CAPZB: variants seen among roughly 807,000 people sequenced by gnomAD.
CAPZB encodes the protein capping actin protein of muscle Z-line subunit beta, also known as F-actin-capping protein subunit beta.
A neutral mutation model predicts 38.1 loss-of-function variants in CAPZB; 2 were observed. The observed-to-expected ratio is 0.05, with a 90% CI of 0.02 to 0.17. The LOEUF (loss-of-function observed/expected upper bound fraction) is 0.17, where lower values mean the gene tolerates loss of function less well. Ranked by LOEUF, CAPZB falls within the 10% of genes least tolerant of loss-of-function variation. The pLI is 1.00. For missense variants in CAPZB, 161 were observed against 334.2 expected, an observed-to-expected ratio of 0.48 and a Z score of 4.04; for synonymous variants, 107 against 127.4, an observed-to-expected ratio of 0.84 and a Z score of 1.08.
In CAPZB at chr1:19,359,463, G is replaced by A. The variant is rs1045055272; in HGVS notation, c.330-1900C>T. Among the ~76,000 whole-genome samples, 8 of 152,232 alleles carry A rather than the reference G, an allele frequency of 5.3e-5. No individual in the cohort carries two copies. In the South Asian group the frequency reaches 1.5e-3, roughly 28 times the overall value. ...GGGCTACCCTTGGCCCCCTGCCCAG[G>A]GCTCCCTCAGGCAGGCTGCGGCCAG... On this transcript the variant is annotated intron_variant, in intron 4 of 8. Coordinates refer to ENST00000264202, the MANE Select transcript of CAPZB (RefSeq NM_004930.5).
chr1:19,433,712 G>T (rs1352119988), intron 1 of CAPZB, among the ~76,000 whole-genome samples: 1 of 152,226 alleles, frequency 6.6e-6, no homozygotes, highest in Non-Finnish European at 1.5e-5. Flanking sequence ...AAGGAAGCTT[G>T]AGGAAAAGAA....
At position 19,338,872 on chromosome 1, in the gene CAPZB, C is replaced by CAAAAAAACAA. The variant is rs2152023200; in HGVS notation, c.*648_*657dup. ...ATGTAGATTTTTTTCTTAAGCTTTA[C>CAAAAAAACAA]AAAAAAACAAAATAAAACAAAAACC... On this transcript the variant is annotated 3_prime_UTR_variant, in exon 9 of 9. Coordinates refer to ENST00000264202, the MANE Select transcript of CAPZB (RefSeq NM_004930.5). 1 of 152,392 alleles carries CAAAAAAACAA rather than the reference C, an allele frequency of 6.6e-6. No homozygotes were observed. The highest frequency in any genetic ancestry group is 2.4e-5 in the African/African-American group (1 of 41,496). The allele number at this position is 152,392 out of a possible 1,614,324, so 9.4% of individuals were successfully genotyped here.
chr1:19,470,186 T>C (rs1024426280), intron 1 of CAPZB, among the ~76,000 whole-genome samples: 2 of 152,134 alleles, frequency 1.3e-5, no homozygotes, highest in East Asian at 1.9e-4. Context: ...GCCACTGCAC[T>C]GTAGCCTGAG....
intron 1 of CAPZB, among the ~76,000 whole-genome samples, chr1:19,483,526 A>G (rs1176943590): frequency 6.6e-6 from 1 of 152,210 alleles, no homozygotes; most frequent in African/African-American, 2.4e-5. Flanking sequence ...CACCCTTTCC[A>G]GCCTTTTCAG....
intron 2 of CAPZB, among the ~76,000 whole-genome samples, chr1:19,406,412 G>C (rs555311501): frequency 6.6e-6 from 1 of 152,156 alleles, no homozygotes; most frequent in Admixed American, 6.5e-5. Context: ...CAGGAGGCCA[G>C]AACAGAACGC....
chr1:19,427,655 T>C (rs1369312223), intron 1 of CAPZB, among the ~76,000 whole-genome samples: 1 of 152,190 alleles, frequency 6.6e-6, no homozygotes, highest in Non-Finnish European at 1.5e-5. Context: ...AGAAAAGTGC[T>C]TCCTCCACTG....
chr1:19,355,533 C>G (rs547536844), intron 6 of CAPZB, among the ~76,000 whole-genome samples: 9 of 151,844 alleles, frequency 5.9e-5, no homozygotes, highest in Non-Finnish European at 1.3e-4. Flanking sequence ...TCGATCCTTT[C>G]GGTCATATTT....
chr1:19,427,468 T>G (rs2094427099), intron 1 of CAPZB, among the ~76,000 whole-genome samples: 1 of 152,222 alleles, frequency 6.6e-6, no homozygotes, highest in African/African-American at 2.4e-5. Context: ...CCATGGTTTG[T>G]CTTGTATAAT....
At chr1:19,428,209 C>T (rs1426787785) in intron 1 of CAPZB, among the ~76,000 whole-genome samples, 1 of 152,206 alleles carries the variant, frequency 6.6e-6, no homozygotes, top group Non-Finnish European at 1.5e-5. Context: ...TCAAGACCAG[C>T]ATGGCCAACA....
At chr1:19,342,685 C>T in intron 8 of CAPZB, 1 of 986,456 alleles carries the variant, frequency 1.0e-6, no homozygotes. Flanking sequence ...GCCGGACCGG[C>T]AGGGTCTCGG....
intron 1 of CAPZB, among the ~76,000 whole-genome samples, chr1:19,450,019 G>A (rs1156830367): frequency 2.7e-5 from 4 of 150,760 alleles, no homozygotes; most frequent in Non-Finnish European, 5.9e-5. Flanking sequence ...TTGCGCACCC[G>A]TAGTCCCACT....
In CAPZB at chr1:19,338,854, T is replaced by C. The variant is rs1226526618; in HGVS notation, c.*676A>G. On this transcript the variant is annotated 3_prime_UTR_variant, in exon 9 of 9. Coordinates refer to ENST00000264202, the MANE Select transcript of CAPZB (RefSeq NM_004930.5). Reference sequence around the variant, plus strand: ...TGGAGGCTCAAGTATAAGATGTAGATTTTTTTCTTAAGCTTTACAAAAAAA... The same window carrying C: ...TGGAGGCTCAAGTATAAGATGTAGACTTTTTTCTTAAGCTTTACAAAAAAA... The C allele has an allele frequency of 1.3e-5, 2 of 152,476 alleles. No homozygotes were observed. Among genetic ancestry groups the C allele is most frequent in the Non-Finnish European group, 2.9e-5 (2 of 68,044 alleles). The allele number at this position is 152,476 out of a possible 1,614,324, so 9.4% of individuals were successfully genotyped here.
chr1:19,352,376 T>C (rs528215950), intron 6 of CAPZB, among the ~76,000 whole-genome samples: 1 of 152,342 alleles, frequency 6.6e-6, no homozygotes, highest in African/African-American at 2.4e-5. Context: ...TCTAAATATT[T>C]AGAAGCTGAG....
chr1:19,483,401 T>C (rs1190445746), intron 1 of CAPZB, among the ~76,000 whole-genome samples: 1 of 152,146 alleles, frequency 6.6e-6, no homozygotes, highest in Non-Finnish European at 1.5e-5. Flanking sequence ...TCACTCCACC[T>C]CCTGAGCCTC....
At chr1:19,477,490 G>C (rs764655397) in intron 1 of CAPZB, among the ~76,000 whole-genome samples, 10 of 152,236 alleles carry the variant, frequency 6.6e-5, no homozygotes, top group African/African-American at 1.2e-4. Flanking sequence ...TTTCACACCA[G>C]AAGGATGTGG....
At chr1:19,424,356 T>A (rs2094414153) in intron 1 of CAPZB, 3 of 152,116 alleles carry the variant, frequency 2.0e-5, no homozygotes, top group South Asian at 2.1e-4. Flanking sequence ...AAACTTTTTT[T>A]AAAGGTAATA....
At chr1:19,484,405 G>A (rs1454764862) in intron 1 of CAPZB, 1 of 1,525,116 alleles carries the variant, frequency 6.6e-7, no homozygotes, top group Non-Finnish European at 8.8e-7. Context: ...TCCCACTCAG[G>A]CCCGGGCGCC....
At chr1:19,348,468 G>C (rs866560876) in intron 6 of CAPZB, among the ~76,000 whole-genome samples, 1 of 152,116 alleles carries the variant, frequency 6.6e-6, no homozygotes, top group Non-Finnish European at 1.5e-5. Context: ...AGAAATGGGA[G>C]AGAACTAGGG....
intron 1 of CAPZB, among the ~76,000 whole-genome samples, chr1:19,435,556 T>C (rs1004882886): frequency 6.6e-6 from 1 of 152,236 alleles, no homozygotes; most frequent in African/African-American, 2.4e-5. Flanking sequence ...GACTTAGGGC[T>C]TAAAACACAG....
Sources: allele counts gnomAD v4.1 joint callset (sites outside exome capture counted in the v4.1 genomes callset), GRCh38; gene constraint gnomAD v4.1.1; transcripts MANE v1.5; gene names NCBI Gene and HGNC (gene_info 2026-07-23, HGNC 2026-07-21).